Variants in ARL5A observed in about 807,000 individuals in gnomAD.
ARL5A encodes the protein ARF like GTPase 5A.
In ARL5A, 18 loss-of-function variants were observed where a neutral mutation model predicts 25.9. That is an observed-to-expected ratio of 0.69 (90% CI 0.48 to 1.03). The LOEUF (loss-of-function observed/expected upper bound fraction) is 1.03. ARL5A is among the 50% of genes least tolerant of loss of function. ARL5A has a pLI of 0.00. For missense variants in ARL5A, 170 were observed against 211.9 expected, an observed-to-expected ratio of 0.80 and a Z score of 1.23; for synonymous variants, 61 against 67.5, an observed-to-expected ratio of 0.90 and a Z score of 0.47.
chr2:151,805,950 C>T (rs1484824799), intron 5 of ARL5A, among the ~76,000 whole-genome samples: 2 of 151,814 alleles, frequency 1.3e-5, no homozygotes, highest in Non-Finnish European at 2.9e-5. Flanking sequence ...TTTATCTTTC[C>T]TTCCTCTTCT....
intron 1 of ARL5A, among the ~76,000 whole-genome samples, chr2:151,815,995 G>A (rs2099831451): frequency 6.6e-6 from 1 of 152,170 alleles, no homozygotes; most frequent in Non-Finnish European, 1.5e-5. Context: ...GATGGCCTCT[G>A]GATAGTCATG....
intron 1 of ARL5A, among the ~76,000 whole-genome samples, chr2:151,821,133 A>G (rs549577462): frequency 6.6e-6 from 1 of 152,292 alleles, no homozygotes; most frequent in South Asian, 2.1e-4. Context: ...ACATGTCATA[A>G]ACTTTCCAAT....
intron 4 of ARL5A, among the ~76,000 whole-genome samples, chr2:151,807,380 C>G (rs908926730): frequency 2.6e-5 from 4 of 152,174 alleles, no homozygotes; most frequent in African/African-American, 7.2e-5. Context: ...GCAACCTATC[C>G]TACTGCTCTC....
In ARL5A at chr2:151,824,261, G is replaced by A. The variant is rs1440192142; in HGVS notation, c.46+3870C>T. ...TGCCAACCTGTAAACTAACATAAAT[G>A]TTCTGAGCACGTATAAAGCAAGCTA... is the stretch of plus-strand genomic sequence containing the variant. On this transcript the variant is annotated intron_variant, in intron 1 of 5. Coordinates refer to ENST00000295087, the MANE Select transcript of ARL5A (RefSeq NM_012097.4). Among the ~76,000 whole-genome samples, 3 of 152,288 alleles carry A rather than the reference G, an allele frequency of 2.0e-5. No individual in the cohort carries two copies. In the East Asian group the frequency reaches 5.8e-4, roughly 29 times the overall value.
intron 3 of ARL5A, among the ~76,000 whole-genome samples, chr2:151,812,938 C>G (rs1405412335): frequency 2.0e-5 from 3 of 152,084 alleles, no homozygotes; most frequent in Non-Finnish European, 4.4e-5. Context: ...AGCTCTCTTC[C>G]TTACATAAGT....
chr2:151,820,577 T>C (rs1159719628), intron 1 of ARL5A, among the ~76,000 whole-genome samples: 1 of 142,212 alleles, frequency 7.0e-6, no homozygotes, highest in Non-Finnish European at 1.5e-5. Context: ...TGAGAATCAG[T>C]TGAACCTGGG....
At chr2:151,806,109 C>T (rs2099830074) in intron 5 of ARL5A, among the ~76,000 whole-genome samples, 1 of 152,144 alleles carries the variant, frequency 6.6e-6, no homozygotes, top group Non-Finnish European at 1.5e-5. Context: ...AATTGAATGG[C>T]ATCCTCTCCA....
chr2:151,819,297 C>A (rs966367997), intron 1 of ARL5A, among the ~76,000 whole-genome samples: 2 of 152,148 alleles, frequency 1.3e-5, no homozygotes, highest in Non-Finnish European at 2.9e-5. Context: ...TGCTACGGTT[C>A]TTTTATAATT....
rs2099829028 is a variant in ARL5A at position 151,798,833 on chromosome 2, TA to T, written c.*4442del. ...ATACATATAATTTATTAGATGGGCT[TA>T]AAATCAACACAAATCCATTTTTAGG... is the stretch of plus-strand genomic sequence containing the variant. On this transcript the variant is annotated 3_prime_UTR_variant, in exon 6 of 6. Coordinates refer to ENST00000295087, the MANE Select transcript of ARL5A (RefSeq NM_012097.4). 6.6e-6 allele frequency: 1 copy of T among 151,904 alleles called. No homozygotes were observed. Among genetic ancestry groups the T allele is most frequent in the East Asian group, 1.9e-4 (1 of 5,176 alleles). 9.4% of individuals were successfully genotyped at this position (151,904 alleles called of 1,614,324 possible). A position where few individuals can be genotyped will look rare whatever the true frequency, so the allele number is the denominator to read the frequency against.
chr2:151,799,112 T>C lies in ARL5A; in HGVS notation c.*4164A>G, dbSNP rs1489592882. On this transcript the variant is annotated 3_prime_UTR_variant, in exon 6 of 6. Coordinates refer to ENST00000295087, the MANE Select transcript of ARL5A (RefSeq NM_012097.4). ...CTGGCTTTCTTTCCTTTTTACTCTATTATCATGGTCTTAAAATAATCTATC... is the reference window on the plus strand; with the variant it reads ...CTGGCTTTCTTTCCTTTTTACTCTACTATCATGGTCTTAAAATAATCTATC... 2.6e-5 allele frequency: 4 copies of C among 152,224 alleles called. No individual in the cohort carries two copies. In the East Asian group the frequency reaches 7.7e-4, roughly 29 times the overall value. The allele number at this position is 152,224 out of a possible 1,614,324, so 9.4% of individuals were successfully genotyped here. A position where few individuals can be genotyped will look rare whatever the true frequency, so the allele number is the denominator to read the frequency against.
Position 151,801,293 on chromosome 2 carries a change from A to C in ARL5A, c.*1983T>G, listed in dbSNP as rs2099829386. The stretch of plus-strand genomic sequence containing the variant: ...TCTGAGCCAACACCTTGATGATGAC[A>C]AGGGAATGTGCTGATATCGTGTTAA... On this transcript the variant is annotated 3_prime_UTR_variant, in exon 6 of 6. Coordinates refer to ENST00000295087, the MANE Select transcript of ARL5A (RefSeq NM_012097.4). The C allele has an allele frequency of 6.6e-6, 1 of 152,246 alleles. No individual in the cohort carries two copies. The highest frequency in any genetic ancestry group is 6.5e-5 in the Admixed American group (1 of 15,286). The allele number at this position is 152,246 out of a possible 1,614,324, so 9.4% of individuals were successfully genotyped here. A position where few individuals can be genotyped will look rare whatever the true frequency, so the allele number is the denominator to read the frequency against.
chr2:151,824,057 A>G (rs1461657572), intron 1 of ARL5A, among the ~76,000 whole-genome samples: 5 of 152,248 alleles, frequency 3.3e-5, no homozygotes, highest in Admixed American at 1.3e-4. Flanking sequence ...TCCACAGAGC[A>G]TGCAAAAAGG....
In ARL5A at chr2:151,806,774, C is replaced by T. The variant is rs748583916; in HGVS notation, c.491+47G>A. 3.8e-6 allele frequency: 6 copies of T among 1,560,570 alleles called. No homozygotes were observed. In the South Asian group the frequency reaches 4.9e-5, roughly 13 times the overall value. On this transcript the variant is annotated intron_variant, in intron 5 of 5. Coordinates refer to ENST00000295087, the MANE Select transcript of ARL5A (RefSeq NM_012097.4). ...GAGTTTAAAGAAGATATACATGTTACTAAGCAAAATAAATGTTCGATAACA... is the reference window on the plus strand; with the variant it reads ...GAGTTTAAAGAAGATATACATGTTATTAAGCAAAATAAATGTTCGATAACA...
Position 151,805,321 on chromosome 2 carries a change from T to C in ARL5A, c.491+1500A>G, listed in dbSNP as rs147246362. 3.9e-5 allele frequency among the ~76,000 whole-genome samples: 6 copies of C among 152,270 alleles called. No individual in the cohort carries two copies. In the East Asian group the frequency reaches 1.2e-3, roughly 29 times the overall value. ...AAGATTTGCCTTCAATAATTCGTTA[T>C]ATTTGGTTCACCCTTCATCGTGGTC... On this transcript the variant is annotated intron_variant, in intron 5 of 5. Transcript: ENST00000295087.
chr2:151,802,058 A>G lies in ARL5A; in HGVS notation c.*1218T>C, dbSNP rs2099829487. 1 of 152,134 alleles carries G rather than the reference A, an allele frequency of 6.6e-6. No individual in the cohort carries two copies. Among genetic ancestry groups the G allele is most frequent in the South Asian group, 2.1e-4 (1 of 4,834 alleles). 9.4% of individuals were successfully genotyped at this position (152,134 alleles called of 1,614,324 possible). On this transcript the variant is annotated 3_prime_UTR_variant, in exon 6 of 6. Transcript: ENST00000295087. ...GCCAAATTCTTAAAATCATTCAAAA[A>G]ACACTTGCATTTTATAATTGTCAAT...
rs183678906 is a variant in ARL5A, at chr2:151,810,324, T to C, written c.339+2033A>G. The C allele has an allele frequency of 1.7e-3, 305 of 178,506 alleles. 1 individual carries two copies. Among genetic ancestry groups the C allele is most frequent in the African/African-American group, 6.8e-3 (288 of 42,128 alleles). The allele number at this position is 178,506 out of a possible 1,614,324, so 11.1% of individuals were successfully genotyped here. ...GACAATAAGATTTTGTTGATTTATG[T>C]AGTATGTAAGAAACATCCAACTAAC... is the stretch of plus-strand genomic sequence containing the variant. On this transcript the variant is annotated intron_variant, in intron 4 of 5. Transcript: ENST00000295087.
At chr2:151,821,455 C>G (rs1025116752) in intron 1 of ARL5A, among the ~76,000 whole-genome samples, 4 of 152,246 alleles carry the variant, frequency 2.6e-5, no homozygotes, top group Non-Finnish European at 5.9e-5. Context: ...TCTGAGATCT[C>G]TGGAGGGCCA....
At chr2:151,821,882 C>A (rs2099832385) in intron 1 of ARL5A, among the ~76,000 whole-genome samples, 2 of 150,670 alleles carry the variant, frequency 1.3e-5, no homozygotes, top group Admixed American at 1.3e-4. Context: ...TGGAGTCTCG[C>A]CCTGTCGCCC....
At position 151,825,836 on chromosome 2, in the gene ARL5A, A is replaced by C. The variant is rs980587570; in HGVS notation, c.46+2295T>G. ...ATGTCCTATACAGAAAAAAAAAAAA[A>C]CAACCCTGCTGGGCACCATGGCTCA... is the stretch of plus-strand genomic sequence containing the variant. On this transcript the variant is annotated intron_variant, in intron 1 of 5. Coordinates refer to ENST00000295087, the MANE Select transcript of ARL5A (RefSeq NM_012097.4). Among the ~76,000 whole-genome samples the C allele has an allele frequency of 6.6e-5, 10 of 152,002 alleles. No individual in the cohort carries two copies. The East Asian group carries it at 1.5e-3, about 23-fold the overall frequency.
Sources: allele counts gnomAD v4.1 joint callset (sites outside exome capture counted in the v4.1 genomes callset), GRCh38; gene constraint gnomAD v4.1.1; transcripts MANE v1.5; gene names NCBI Gene and HGNC (gene_info 2026-07-23, HGNC 2026-07-21).